Variants in EP400 observed in about 807,000 individuals in gnomAD.
EP400 encodes the protein E1A-binding protein p400.
Under a neutral mutation model 354.1 loss-of-function variants are expected in EP400, and 105 were observed. The observed-to-expected ratio is 0.30, with a 90% CI of 0.25 to 0.35. The LOEUF (loss-of-function observed/expected upper bound fraction) is 0.35. EP400 is among the 10% of genes least tolerant of loss of function. EP400 has a pLI of 1.00. For synonymous variants in EP400, 1,646 were observed against 1,716.9 expected (o/e 0.96, Z 1.02); for missense variants, 3,280 against 4,121.0 (o/e 0.80, Z 5.59).
rs200507299 is a variant in EP400, at chr12:131,991,580, T to TTC, written c.2679+125_2679+126insCT. ...GACTATTACTTCCTTTCTTTTCTTT[T>TTC]TTTTTTTTTTTTGTTTTAGAGACAG... On this transcript the variant is annotated intron_variant, in intron 10 of 52. Coordinates refer to ENST00000389561, the MANE Select transcript of EP400 (RefSeq NM_015409.5). 4.1e-3 allele frequency: 3,427 copies of TTC among 831,540 alleles called. 77 individuals carry two copies. In the African/African-American group the frequency reaches 0.053, roughly 13 times the overall value. 51.5% of individuals were successfully genotyped at this position (831,540 alleles called of 1,614,324 possible).
chr12:132,062,782 A>G (rs535489507), intron 47 of EP400, 81 bp downstream of exon 47: 17 of 1,558,644 alleles, frequency 1.1e-5, no homozygotes, highest in South Asian at 3.5e-5. Context: ...GCCTGCTTGC[A>G]TGGTGCAGTC....
intron 42 of EP400, 47 bp downstream of exon 42, chr12:132,053,271 G>A (rs766800529): frequency 1.4e-5 from 22 of 1,610,204 alleles, no homozygotes; most frequent in Middle Eastern, 1.6e-4. Context: ...TGTGGTGACT[G>A]TGACTTCATC....
At position 132,029,866 on chromosome 12, in the gene EP400, G is replaced by A; in HGVS notation, c.5547G>A (p.Leu1849=). 1 of 1,612,772 alleles carries A rather than the reference G, an allele frequency of 6.2e-7. No individual in the cohort carries two copies. The highest frequency in any genetic ancestry group is 8.5e-7 in the Non-Finnish European group (1 of 1,180,022). ...GGCAGACCACGGCTCCACGCCTGCT[G>A]CAGTTCCCTGAGCTGAGGCTGGTGC... The part of the protein sequence containing the change: ...QLRQTTAPRL[L]QFPELRLVQF... Residue 1849 remains leucine, a synonymous_variant, in exon 28 of 53, where the codon CTG becomes CTA. Coordinates refer to ENST00000389561, the MANE Select transcript of EP400 (RefSeq NM_015409.5). The surrounding 1 kb of genome is among the most constrained non-coding windows in gnomAD (Gnocchi z 4.7).
At chr12:132,055,941 C>T (rs538163978) in intron 45 of EP400, among the ~76,000 whole-genome samples, 3 of 151,810 alleles carry the variant, frequency 2.0e-5, no homozygotes, top group South Asian at 2.1e-4. Context: ...GGAGGGGACA[C>T]GGCATCACAC....
At chr12:132,057,195 A>G (rs1450338528) in intron 45 of EP400, among the ~76,000 whole-genome samples, 1 of 152,248 alleles carries the variant, frequency 6.6e-6, no homozygotes, top group Admixed American at 6.5e-5. Flanking sequence ...ACGCCAGAAC[A>G]AGAACCCTCA....
At chr12:132,028,388 T>C in intron 27 of EP400, 100 bp downstream of exon 27, 1 of 1,436,616 alleles carries the variant, frequency 7.0e-7, no homozygotes, top group Admixed American at 1.8e-5. Flanking sequence ...TCCCATCGGC[T>C]TCTCCCCACG....
chr12:132,064,755 A>G lies in EP400; in HGVS notation c.8422A>G (p.Thr2808Ala), dbSNP rs7136109. Reference protein sequence around the residue: ...PQAQSAPPQPTAQVQVQTSQP... With the variant: ...PQAQSAPPQPAAQVQVQTSQP... ...GGCCCAGTCTGCGCCCCCGCAGCCA[A>G]CAGCCCAAGTGCAAGTGCAGACCTC... is the stretch of plus-strand genomic sequence containing the variant. The change falls in exon 48 of 53, where the codon ACA becomes GCA. Residue 2808 changes from threonine to alanine, a missense_variant. By Grantham distance (58) the Thr-to-Ala change is moderately conservative. Transcript: ENST00000389561. 41,896 of 1,613,694 alleles carry G rather than the reference A, an allele frequency of 0.026. 8,581 individuals are homozygous for G. The African/African-American group carries it at 0.47, about 18-fold the overall frequency.
chr12:131,967,912 C>T (rs554757755), intron 2 of EP400, among the ~76,000 whole-genome samples: 2 of 152,132 alleles, frequency 1.3e-5, no homozygotes, highest in African/African-American at 4.8e-5. Context: ...ATTTGCTGTT[C>T]GTATATCTTT....
chr12:132,003,204 A>G (rs1028950246), intron 12 of EP400, among the ~76,000 whole-genome samples: 13 of 151,580 alleles, frequency 8.6e-5, no homozygotes, highest in Middle Eastern at 3.4e-3. Context: ...AAAAAAAAAA[A>G]AACAGCCAAC....
chr12:131,975,225 T>C (rs1294852564), intron 2 of EP400, among the ~76,000 whole-genome samples: 1 of 152,170 alleles, frequency 6.6e-6, no homozygotes, highest in Non-Finnish European at 1.5e-5. Flanking sequence ...CGCACAGTCC[T>C]CCCTGTCAGT....
At chr12:131,950,293 C>T (rs912030823) in intron 1 of EP400, among the ~76,000 whole-genome samples, 3 of 152,118 alleles carry the variant, frequency 2.0e-5, no homozygotes, top group African/African-American at 7.2e-5. Flanking sequence ...GCCCATTTCT[C>T]GTGGCCCCCC....
chr12:132,050,799 A>G lies in EP400; in HGVS notation c.7394+144A>G. Reference sequence around the variant, plus strand: ...CGTGGCAGTGCGCAGAACCTGCAGGAGAGAGGTGCTTTTCCTGCCGTGGGC... The same window carrying G: ...CGTGGCAGTGCGCAGAACCTGCAGGGGAGAGGTGCTTTTCCTGCCGTGGGC... On this transcript the variant is annotated intron_variant, in intron 41 of 52. Transcript: ENST00000389561. The surrounding 1 kb of genome is among the most constrained non-coding windows in gnomAD (Gnocchi z 4.8). 3.0e-6 allele frequency: 3 copies of G among 987,298 alleles called. No homozygotes were observed. Among genetic ancestry groups the G allele is most frequent in the Non-Finnish European group, 1.6e-6 (1 of 640,364 alleles). 61.2% of individuals were successfully genotyped at this position (987,298 alleles called of 1,614,324 possible). A position where few individuals can be genotyped will look rare whatever the true frequency, so the allele number is the denominator to read the frequency against.
chr12:132,023,815 A>C lies in EP400; in HGVS notation c.4729A>C (p.Thr1577Pro). The change falls in exon 24 of 53, where the codon ACA becomes CCA. Residue 1577 changes from threonine to proline, a missense_variant. Thr to Pro is a conservative substitution (Grantham distance 38). Around this residue, in one of 20 missense-constraint regions of EP400, gnomAD observed 342 missense variants for 342.7 expected, o/e 1.00. Coordinates refer to ENST00000389561, the MANE Select transcript of EP400 (RefSeq NM_015409.5). ...GAAAATAGCTCAGCTGGCATCCATC[A>C]CAGGACCACAGAGCCGCGTGGCTCA... ...VVKIAQLASI[T>P]GPQSRVAQPE... 6.2e-7 allele frequency: 1 copy of C among 1,613,974 alleles called. No individual in the cohort carries two copies. Among genetic ancestry groups the C allele is most frequent in the Non-Finnish European group, 8.5e-7 (1 of 1,179,962 alleles).
chr12:132,035,946 TCACA>T lies in EP400; in HGVS notation c.5952-1729_5952-1726del, dbSNP rs372466980. Among the ~76,000 whole-genome samples, 23 of 129,894 alleles carry T rather than the reference TCACA, an allele frequency of 1.8e-4. 1 individual carries two copies. The South Asian group carries it at 3.0e-3, about 17-fold the overall frequency. 85.2% of individuals were successfully genotyped at this position (129,894 alleles called of 152,430 possible). A position where few individuals can be genotyped will look rare whatever the true frequency, so the allele number is the denominator to read the frequency against. ...ACGTCGTGGAAGGGCACACCCAGGT[TCACA>T]CACACAGCATCGTGGAACGACACAC... On this transcript the variant is annotated intron_variant, in intron 30 of 52. Transcript: ENST00000389561.
chr12:132,037,398 A>C (rs2136566779), intron 30 of EP400, among the ~76,000 whole-genome samples: 1 of 152,300 alleles, frequency 6.6e-6, no homozygotes, highest in Non-Finnish European at 1.5e-5. Flanking sequence ...GGACATTTCC[A>C]GGTTGAGACT....
At chr12:132,073,601 A>C (rs1040364712) in intron 51 of EP400, among the ~76,000 whole-genome samples, 5 of 151,840 alleles carry the variant, frequency 3.3e-5, no homozygotes, top group Non-Finnish European at 5.9e-5. Flanking sequence ...TTACAGGCAC[A>C]TGCCACCAGG....
rs1593376058 is a variant in EP400 at position 132,052,875 on chromosome 12, G to A, written c.7395-271G>A. Among the ~76,000 whole-genome samples, 1 of 152,134 alleles carries A rather than the reference G, an allele frequency of 6.6e-6. No individual in the cohort carries two copies. The highest frequency in any genetic ancestry group is 1.5e-5 in the Non-Finnish European group (1 of 68,020). On this transcript the variant is annotated intron_variant, in intron 41 of 52. Transcript: ENST00000389561. This position sits in a 1 kb window ranked among gnomAD's most constrained non-coding sequence, Gnocchi z 4.4. ...CATGAGGTGGGCTGTGCGTTTGGGGGCTGCCACAAGTACGCTGGGGACGTG... is the reference window on the plus strand; with the variant it reads ...CATGAGGTGGGCTGTGCGTTTGGGGACTGCCACAAGTACGCTGGGGACGTG...
chr12:132,024,104 C>T (rs984370856), intron 24 of EP400, among the ~76,000 whole-genome samples, 163 bp downstream of exon 24: 2 of 152,234 alleles, frequency 1.3e-5, no homozygotes, highest in Non-Finnish European at 2.9e-5. Context: ...AGCGAGATGA[C>T]GTTCATCAGC....
At chr12:132,048,604 C>A (rs1354183796) in intron 39 of EP400, among the ~76,000 whole-genome samples, 1 of 150,888 alleles carries the variant, frequency 6.6e-6, no homozygotes, top group Non-Finnish European at 1.5e-5. Context: ...CTCACTGCAA[C>A]CTCTGCCTCT....
Sources: gnomAD v4.1 joint callset for allele counts (sites outside exome capture counted in the v4.1 genomes callset) on GRCh38, gnomAD v4.1.1 for gene constraint, gnomAD v4.1.1 regional missense constraint, Gnocchi (gnomAD v3.1) non-coding constraint, MANE v1.5 for transcripts, NCBI Gene and HGNC (gene_info 2026-07-23, HGNC 2026-07-21) for gene names.